FMN1: variants seen among roughly 807,000 people sequenced by gnomAD.
The protein encoded by FMN1 is formin 1, also known as formin-1.
Under a neutral mutation model 132.4 loss-of-function variants are expected in FMN1, and 110 were observed. The observed-to-expected ratio is 0.83, with a 90% CI of 0.71 to 0.97. FMN1 has a LOEUF of 0.97. Ranked by LOEUF, FMN1 falls within the 50% of genes least tolerant of loss-of-function variation. The pLI, the probability that FMN1 is intolerant of heterozygous loss-of-function variation, is 0.00. For missense variants in FMN1, 1,792 were observed against 1,705.3 expected (o/e 1.05, Z -0.90); for synonymous variants, 722 against 651.7 (o/e 1.11, Z -1.64).
intron 16 of FMN1, among the ~76,000 whole-genome samples, chr15:32,868,735 C>T (rs557141295): frequency 2.8e-4 from 42 of 152,118 alleles, no homozygotes; most frequent in South Asian, 2.1e-3. Flanking sequence ...CATTCAGATA[C>T]GAGATACACA....
At chr15:33,004,121 G>A (rs1439073681) in intron 7 of FMN1, among the ~76,000 whole-genome samples, 3 of 152,096 alleles carry the variant, frequency 2.0e-5, no homozygotes, top group Non-Finnish European at 2.9e-5. Flanking sequence ...TACCATTCAG[G>A]ACATAGGCAT....
chr15:32,801,131 C>G (rs999921670), intron 18 of FMN1, among the ~76,000 whole-genome samples: 5 of 152,120 alleles, frequency 3.3e-5, no homozygotes, highest in Non-Finnish European at 7.4e-5. Context: ...AATCCTGGTG[C>G]AGTTTCAGAG....
At chr15:32,829,189 G>C (rs746813407) in intron 17 of FMN1, among the ~76,000 whole-genome samples, 4 of 152,178 alleles carry the variant, frequency 2.6e-5, no homozygotes, top group Non-Finnish European at 5.9e-5. Context: ...AGTTAATATT[G>C]ATGTAACTAG....
chr15:33,123,244 T>C (rs1179246403), intron 4 of FMN1, among the ~76,000 whole-genome samples: 1 of 151,996 alleles, frequency 6.6e-6, no homozygotes, highest in Admixed American at 6.6e-5. Flanking sequence ...TCTAACTTAT[T>C]TCTGTCCACT....
intron 17 of FMN1, among the ~76,000 whole-genome samples, chr15:32,830,889 T>C (rs1441823904): frequency 1.3e-5 from 2 of 152,146 alleles, no homozygotes; most frequent in African/African-American, 2.4e-5. Context: ...GGATGAAATG[T>C]AACCTTTCAG....
intron 7 of FMN1, among the ~76,000 whole-genome samples, chr15:32,986,256 G>C (rs2033061354): frequency 6.6e-6 from 1 of 152,156 alleles, no homozygotes; most frequent in Admixed American, 6.5e-5. Flanking sequence ...AGGGCTGACA[G>C]TGTACAAATG....
chr15:33,135,128 C>T (rs865899720), intron 4 of FMN1, among the ~76,000 whole-genome samples: 3 of 152,146 alleles, frequency 2.0e-5, no homozygotes, highest in Non-Finnish European at 2.9e-5. Flanking sequence ...TCCAAAGCCC[C>T]GCTTTTTTTG....
chr15:32,785,214 A>ATTTTTTTT (rs1567163022), intron 19 of FMN1, among the ~76,000 whole-genome samples: 3 of 22,130 alleles, frequency 1.4e-4, no homozygotes, highest in African/African-American at 3.0e-4. Flanking sequence ...ATATATATAT[A>ATTTTTTTT]TATATTTTTT....
chr15:32,880,462 A>G (rs1439892729), intron 16 of FMN1, among the ~76,000 whole-genome samples: 1 of 152,030 alleles, frequency 6.6e-6, no homozygotes, highest in Non-Finnish European at 1.5e-5. Context: ...TCAAATCTGA[A>G]ATGTTTTCTT....
At chr15:32,937,679 A>T (rs2061310074) in intron 9 of FMN1, among the ~76,000 whole-genome samples, 2 of 152,210 alleles carry the variant, frequency 1.3e-5, no homozygotes, top group South Asian at 4.1e-4. Context: ...GCTCATATGG[A>T]CATGTTGGTA....
At chr15:32,999,811 G>T (rs933026692) in intron 7 of FMN1, among the ~76,000 whole-genome samples, 1 of 152,144 alleles carries the variant, frequency 6.6e-6, no homozygotes, top group Non-Finnish European at 1.5e-5. Context: ...GGTCAAAAAC[G>T]ATATTCTTAA....
intron 16 of FMN1, among the ~76,000 whole-genome samples, chr15:32,880,052 G>GTTT (rs35012329): frequency 6.7e-6 from 1 of 148,682 alleles, no homozygotes; most frequent in Non-Finnish European, 1.5e-5. Flanking sequence ...AGCTTCTATT[G>GTTT]TTTTTTTTTT....
At chr15:33,080,710 A>C (rs1213920605) in intron 5 of FMN1, among the ~76,000 whole-genome samples, 2 of 152,138 alleles carry the variant, frequency 1.3e-5, no homozygotes, top group Non-Finnish European at 2.9e-5. Flanking sequence ...AACATGGTGA[A>C]ACCCCGTCTC....
At chr15:32,880,185 T>C (rs2059732781) in intron 16 of FMN1, among the ~76,000 whole-genome samples, 1 of 152,208 alleles carries the variant, frequency 6.6e-6, no homozygotes, top group African/African-American at 2.4e-5. Flanking sequence ...GGTGTTGACA[T>C]TATTATGACT....
At chr15:32,923,783 G>A (rs1218729315) in intron 10 of FMN1, among the ~76,000 whole-genome samples, 1 of 152,176 alleles carries the variant, frequency 6.6e-6, no homozygotes, top group African/African-American at 2.4e-5. Flanking sequence ...TCACATGGCT[G>A]GAATGACTTC....
chr15:33,010,277 A>T (rs959916603), intron 6 of FMN1, among the ~76,000 whole-genome samples: 1 of 152,166 alleles, frequency 6.6e-6, no homozygotes, highest in African/African-American at 2.4e-5. Flanking sequence ...TGAAGAACAG[A>T]TCAGAATAGT....
intron 3 of FMN1, among the ~76,000 whole-genome samples, chr15:33,156,287 T>G (rs1281739917): frequency 2.7e-5 from 4 of 148,666 alleles, no homozygotes; most frequent in Non-Finnish European, 6.0e-5. Context: ...TTTTTTTTTT[T>G]TTTTTTTTTT....
Position 32,926,216 on chromosome 15 carries a change from A to G in FMN1, c.3184T>C (p.Leu1062=), listed in dbSNP as rs2060955653. 6.4e-7 allele frequency: 1 copy of G among 1,564,678 alleles called. No homozygotes were observed. The highest frequency in any genetic ancestry group is 8.7e-7 in the Non-Finnish European group (1 of 1,155,760). Residue 1062 remains leucine (L), a synonymous_variant, in exon 10 of 21, where the codon TTG becomes CTG. Transcript: ENST00000616417. ...ATTTCTAAATGTAAACTAGATATCA[A>G]GATTCCCACAGTTTGAGATCGTTTT... ...DGKRSQTVGI[L]ISSLHLEMKD...
intron 4 of FMN1, among the ~76,000 whole-genome samples, chr15:33,112,568 T>A (rs2039751547): frequency 6.6e-6 from 1 of 152,160 alleles, no homozygotes; most frequent in African/African-American, 2.4e-5. Flanking sequence ...AGTGCTTAGT[T>A]TAACCCCTAT....
Sources: gnomAD v4.1 joint callset for allele counts (sites outside exome capture counted in the v4.1 genomes callset) on GRCh38, gnomAD v4.1.1 for gene constraint, MANE v1.5 for transcripts, NCBI Gene and HGNC (gene_info 2026-07-23, HGNC 2026-07-21) for gene names.